The following MTUS1 variants were observed in gnomAD, a reference collection of about 807,000 sequenced individuals.
MTUS1 encodes microtubule associated scaffold protein 1, also known as microtubule-associated tumor suppressor 1.
Under a neutral mutation model 120.8 loss-of-function variants are expected in MTUS1, and 109 were observed. The ratio of observed to expected loss-of-function variants is 0.90; its 90% confidence interval spans 0.77 to 1.06. The LOEUF is 1.06. Ranked by LOEUF, MTUS1 falls within the 50% of genes least tolerant of loss-of-function variation. The pLI is 0.00. For missense variants in MTUS1, 2,210 were observed against 1,486.3 expected, an observed-to-expected ratio of 1.49 and a Z score of -8.01; for synonymous variants, 737 against 550.5, an observed-to-expected ratio of 1.34 and a Z score of -4.74.
intron 1 of MTUS1, among the ~76,000 whole-genome samples, chr8:17,786,710 G>A (rs182159472): frequency 4.3e-4 from 66 of 152,298 alleles, no homozygotes; most frequent in African/African-American, 1.5e-3. Flanking sequence ...CCGTAGTTGA[G>A]AGACTGGCTG....
Position 17,755,361 on chromosome 8 carries a change from T to G in MTUS1, c.447A>C (p.Ala149=), listed in dbSNP as rs1371074943. 15 of 1,614,092 alleles carry G rather than the reference T, an allele frequency of 9.3e-6. No homozygotes were observed. The highest frequency in any genetic ancestry group is 1.7e-5 in the Admixed American group (1 of 60,008). The change falls in exon 2 of 15, where the codon GCA becomes GCC. Residue 149 remains alanine (A), a synonymous_variant. Coordinates refer to ENST00000693296, the MANE Select transcript of MTUS1 (RefSeq NM_001363059.2). ...VWKPNDNLNC[A]GYCDALELNQ... ...TTAGCTCCAAGGCATCACAGTAGCC[T>G]GCACAGTTCAAATTGTCATTAGGCT...
At position 17,754,573 on chromosome 8, in the gene MTUS1, G is replaced by A. The variant is rs575276935; in HGVS notation, c.1235C>T (p.Thr412Ile). 74 of 1,614,194 alleles carry A rather than the reference G, an allele frequency of 4.6e-5. No homozygotes were observed. Among genetic ancestry groups the A allele is most frequent in the Admixed American group, 4.5e-4 (27 of 60,028 alleles). Residue 412 changes from threonine (T) to isoleucine (I), a missense_variant, in exon 2 of 15, where the codon ACT (threonine) becomes ATT (isoleucine). Thr to Ile is a moderately conservative substitution (Grantham distance 89). Transcript: ENST00000693296. ...GQKVGSSFGL[T>I]WDANDMVIST... is the part of the protein sequence containing the mutation. ...AATGACCATATCATTTGCATCCCAA[G>A]TCAGTCCAAATGACGAGCCCACCTT...
chr8:17,710,132 G>C (rs1049761627), intron 6 of MTUS1, among the ~76,000 whole-genome samples: 3 of 152,216 alleles, frequency 2.0e-5, no homozygotes, highest in Admixed American at 6.5e-5. Context: ...GGTGGCTGCT[G>C]ACTGACTGAT....
chr8:17,683,764 T>A (rs1451385805), intron 7 of MTUS1, among the ~76,000 whole-genome samples: 1 of 152,216 alleles, frequency 6.6e-6, no homozygotes, highest in Non-Finnish European at 1.5e-5. Flanking sequence ...TCAATGAATT[T>A]TAGCCAGTTC....
At chr8:17,654,961 A>C in intron 9 of MTUS1, 2 of 331,334 alleles carry the variant, frequency 6.0e-6, no homozygotes, top group East Asian at 5.3e-5. Context: ...AGAGCAACGC[A>C]ACTGGGATTC....
At chr8:17,706,583 C>T (rs1048256583) in intron 6 of MTUS1, among the ~76,000 whole-genome samples, 1 of 152,080 alleles carries the variant, frequency 6.6e-6, no homozygotes, top group Non-Finnish European at 1.5e-5. Flanking sequence ...TTTATGTCAA[C>T]CACGGTATAA....
rs776543474 is a variant in MTUS1 at position 17,656,081 on chromosome 8, AAAG to A, written c.2906-19_2906-17del. ...GAAGCAGTGACTGAAAACAGAGGAG[AAAG>A]AAGAGGGAAGAGGTCATTTTATTTG... On this transcript the variant is annotated splice_polypyrimidine_tract_variant and intron_variant, in intron 8 of 14. Coordinates refer to ENST00000693296, the MANE Select transcript of MTUS1 (RefSeq NM_001363059.2). 3.1e-6 allele frequency: 5 copies of A among 1,612,398 alleles called. No individual in the cohort carries two copies. The highest frequency in any genetic ancestry group is 4.2e-6 in the Non-Finnish European group (5 of 1,178,424).
At position 17,715,791 on chromosome 8, in the gene MTUS1, G is replaced by T. The variant is rs61733690; in HGVS notation, c.2560C>A (p.His854Asn). ...CCTTTTGGAGGAGTTTTCATCAAGT[G>T]AACATGAGCCCTGGATACCAAAGGC... ...LKPLVSRAHV[H>N]LMKTPPKGPS... Residue 854 changes from histidine (H) to asparagine (N), a missense_variant, in exon 5 of 15, where the codon CAC becomes AAC. By Grantham distance (68) the His-to-Asn change is moderately conservative. Coordinates refer to ENST00000693296, the MANE Select transcript of MTUS1 (RefSeq NM_001363059.2). The T allele has an allele frequency of 4.8e-5, 77 of 1,613,464 alleles. No homozygotes were observed. The African/African-American group carries it at 8.9e-4, about 19-fold the overall frequency.
intron 2 of MTUS1, among the ~76,000 whole-genome samples, chr8:17,746,011 C>A (rs1483596159): frequency 3.3e-5 from 5 of 152,218 alleles, no homozygotes; most frequent in Admixed American, 1.3e-4. Context: ...TCTCTTCCTC[C>A]TCCTCCAGTC....
chr8:17,711,609 T>C (rs562220403), intron 6 of MTUS1, among the ~76,000 whole-genome samples: 1 of 152,316 alleles, frequency 6.6e-6, no homozygotes, highest in South Asian at 2.1e-4. Context: ...CGGGAGTCTG[T>C]TTTGCTTTCT....
intron 1 of MTUS1, chr8:17,770,626 G>A (rs1397732334): frequency 6.6e-6 from 1 of 152,186 alleles, no homozygotes; most frequent in East Asian, 1.9e-4. Context: ...CCTCTCTGGG[G>A]ACTATGATTA....
intron 8 of MTUS1, among the ~76,000 whole-genome samples, chr8:17,672,563 G>C (rs138171397): frequency 1.2e-4 from 19 of 152,298 alleles, no homozygotes; most frequent in African/African-American, 4.1e-4. Flanking sequence ...TGGCAGCCTT[G>C]AGAGTGTTCT....
chr8:17,719,469 C>T (rs577607513), intron 4 of MTUS1, among the ~76,000 whole-genome samples: 207 of 152,238 alleles, frequency 1.4e-3, no homozygotes, highest in African/African-American at 4.8e-3. Flanking sequence ...CCTAGAAAAA[C>T]GTGAACAGAG....
chr8:17,742,285 G>T (rs138791333), intron 3 of MTUS1, among the ~76,000 whole-genome samples: 2,477 of 68,744 alleles, frequency 0.036, 120 homozygotes, highest in African/African-American at 0.062. Flanking sequence ...TTTTTTTGTT[G>T]TTGTTGTTTT....
rs377631313 is a variant in MTUS1, at chr8:17,649,041, A to G, written c.3501+805T>C. Among the ~76,000 whole-genome samples, 13 of 152,360 alleles carry G rather than the reference A, an allele frequency of 8.5e-5. No homozygotes were observed. In the South Asian group the frequency reaches 1.0e-3, roughly 12 times the overall value. ...GACACTGCAAAGTGAATGTTAATTCATATTTTTGGTAACACCTGCTACTTG... is the reference window on the plus strand; with the variant it reads ...GACACTGCAAAGTGAATGTTAATTCGTATTTTTGGTAACACCTGCTACTTG... On this transcript the variant is annotated intron_variant, in intron 13 of 14. Transcript: ENST00000693296.
Position 17,754,106 on chromosome 8 carries a change from C to T in MTUS1, c.1702G>A (p.Glu568Lys), listed in dbSNP as rs948659765. The T allele has an allele frequency of 3.7e-6, 6 of 1,613,816 alleles. No individual in the cohort carries two copies. The highest frequency in any genetic ancestry group is 1.1e-5 in the South Asian group (1 of 91,038). ...RSDLNADKKA[E>K]ILINKTHKQQ... ...TTATGTGTCTTGTTAATTAGAATTT[C>T]TGCTTTTTTGTCTGCATTCAAGTCA... The change falls in exon 2 of 15, where the codon GAA becomes AAA. Residue 568 changes from glutamate (E) to lysine (K), a missense_variant. By Grantham distance (56) the Glu-to-Lys change is moderately conservative (BLOSUM62 1). Transcript: ENST00000693296.
intron 1 of MTUS1, among the ~76,000 whole-genome samples, chr8:17,778,739 G>A (rs995851951): frequency 1.3e-5 from 2 of 152,124 alleles, no homozygotes; most frequent in Admixed American, 6.5e-5. Flanking sequence ...GGCCCTGGAG[G>A]GGGAGGTTGC....
intron 1 of MTUS1, among the ~76,000 whole-genome samples, chr8:17,776,024 T>C (rs977933224): frequency 3.3e-5 from 5 of 152,156 alleles, no homozygotes; most frequent in Non-Finnish European, 7.3e-5. Flanking sequence ...GCCCACTTAA[T>C]AACGAGGTCC....
chr8:17,701,116 T>A (rs1016303088), intron 6 of MTUS1, among the ~76,000 whole-genome samples: 1 of 152,200 alleles, frequency 6.6e-6, no homozygotes, highest in African/African-American at 2.4e-5. Context: ...CCAAGTGACT[T>A]GTGTGGAGAT....
Sources: allele counts gnomAD v4.1 joint callset (sites outside exome capture counted in the v4.1 genomes callset), GRCh38; gene constraint gnomAD v4.1.1; transcripts MANE v1.5; gene names NCBI Gene and HGNC (gene_info 2026-07-23, HGNC 2026-07-21).